The following PTBP2 variants were observed in gnomAD, a reference collection of about 807,000 sequenced individuals.
The protein encoded by PTBP2 is polypyrimidine tract binding protein 2.
Under a neutral mutation model 61.4 loss-of-function variants are expected in PTBP2, and 13 were observed. The ratio of observed to expected loss-of-function variants is 0.21; its 90% CI spans 0.14 to 0.34. The LOEUF (loss-of-function observed/expected upper bound fraction) is 0.34, where lower values mean the gene tolerates loss of function less well. Among genes scored for constraint, PTBP2 ranks in the 10% least tolerant of loss-of-function variants. The pLI is 1.00. For synonymous variants in PTBP2, 215 were observed against 218.5 expected, an observed-to-expected ratio of 0.98 and a Z score of 0.14; for missense variants, 405 against 642.6, an observed-to-expected ratio of 0.63 and a Z score of 4.00.
chr1:96,807,101 A>G (rs749769395), intron 11 of PTBP2, 143 bp downstream of exon 11: 7 of 608,636 alleles, frequency 1.2e-5, no homozygotes, highest in African/African-American at 3.9e-5. Flanking sequence ...TTTAATGTGA[A>G]TAGTTGTATG....
chr1:96,790,131 A>G lies in PTBP2; in HGVS notation c.904+4877A>G, dbSNP rs569370539. Among the ~76,000 whole-genome samples the G allele has an allele frequency of 8.5e-5, 13 of 152,206 alleles. No homozygotes were observed. In the East Asian group the frequency reaches 2.3e-3, roughly 27 times the overall value. ...CTCTCATTCATTTACTTATGAAGTGATGTTTCCTTTTAGAAAGTTTCACAG... is the reference window on the plus strand; with the variant it reads ...CTCTCATTCATTTACTTATGAAGTGGTGTTTCCTTTTAGAAAGTTTCACAG... On this transcript the variant is annotated intron_variant, in intron 8 of 13. Transcript: ENST00000674951.
At chr1:96,790,208 A>G (rs368596666) in intron 8 of PTBP2, among the ~76,000 whole-genome samples, 9 of 151,256 alleles carry the variant, frequency 6.0e-5, no homozygotes, top group African/African-American at 1.5e-4. Context: ...TTGTTCCTCT[A>G]TCTGCTGTGT....
At chr1:96,791,826 C>CTTTTTTTTGGT (rs1482989030) in intron 8 of PTBP2, among the ~76,000 whole-genome samples, 1 of 66,126 alleles carries the variant, frequency 1.5e-5, no homozygotes, top group Admixed American at 1.7e-4. Flanking sequence ...TGGAGTTGTG[C>CTTTTTTTTGGT]TTTTTTTTTT....
chr1:96,770,683 A>C (rs1657277818), intron 4 of PTBP2, 25 bp from the exon 5 acceptor site: 1 of 1,587,756 alleles, frequency 6.3e-7, no homozygotes, highest in African/African-American at 1.4e-5. Flanking sequence ...TATAGTATTA[A>C]AAATTGTGCT....
At chr1:96,752,758 C>T (rs1468965631) in intron 3 of PTBP2, among the ~76,000 whole-genome samples, 1 of 151,968 alleles carries the variant, frequency 6.6e-6, no homozygotes, top group East Asian at 1.9e-4. Flanking sequence ...TAACTAGTAG[C>T]AGCCTTGGCC....
chr1:96,743,148 G>A (rs947379060), intron 2 of PTBP2, among the ~76,000 whole-genome samples: 11 of 152,028 alleles, frequency 7.2e-5, no homozygotes, highest in African/African-American at 2.2e-4. Flanking sequence ...TTAGCCAGGC[G>A]TGGTGGGGGG....
chr1:96,724,851 T>TATA (rs946109404), intron 2 of PTBP2, among the ~76,000 whole-genome samples: 1 of 152,078 alleles, frequency 6.6e-6, no homozygotes, highest in Non-Finnish European at 1.5e-5. Flanking sequence ...AAACTTAAAG[T>TATA]ATAATAATGA....
At chr1:96,758,672 T>A (rs1655438749) in intron 3 of PTBP2, among the ~76,000 whole-genome samples, 1 of 152,072 alleles carries the variant, frequency 6.6e-6, no homozygotes, top group Non-Finnish European at 1.5e-5. Flanking sequence ...GCTTTTACAA[T>A]GTAAATAAGG....
chr1:96,808,475 C>T (rs1661714922), intron 11 of PTBP2, among the ~76,000 whole-genome samples: 1 of 151,978 alleles, frequency 6.6e-6, no homozygotes, highest in African/African-American at 2.4e-5. Context: ...TGAATCAGGG[C>T]TTTACCCTTA....
At chr1:96,755,551 G>A (rs1655055652) in intron 3 of PTBP2, among the ~76,000 whole-genome samples, 2 of 152,262 alleles carry the variant, frequency 1.3e-5, no homozygotes, top group Admixed American at 1.3e-4. Flanking sequence ...CATTTTATTT[G>A]TAATCACCAA....
At chr1:96,756,427 CAGTTGTGCTCCCTGGT>C (rs2100937094) in intron 3 of PTBP2, among the ~76,000 whole-genome samples, 1 of 152,286 alleles carries the variant, frequency 6.6e-6, no homozygotes, top group South Asian at 2.1e-4. Flanking sequence ...TATGATCCAG[CAGTTGTGCTCCCTGGT>C]ATTTGCCTAA....
At chr1:96,738,595 T>G (rs1455203338) in intron 2 of PTBP2, among the ~76,000 whole-genome samples, 1 of 152,236 alleles carries the variant, frequency 6.6e-6, no homozygotes. Context: ...TGAACAAGTC[T>G]TTTATAATCT....
intron 8 of PTBP2, among the ~76,000 whole-genome samples, chr1:96,791,826 C>CTTTTTTTTGTTTTTTTTTTTGTTTTTT (rs1482989030): frequency 6.0e-5 from 4 of 66,124 alleles, no homozygotes; most frequent in Admixed American, 1.7e-4. Flanking sequence ...TGGAGTTGTG[C>CTTTTTTTTGTTTTTTTTTTTGTTTTTT]TTTTTTTTTT....
At chr1:96,788,958 C>T (rs1295487655) in intron 8 of PTBP2, among the ~76,000 whole-genome samples, 1 of 151,774 alleles carries the variant, frequency 6.6e-6, no homozygotes, top group Non-Finnish European at 1.5e-5. Context: ...CAAATGTGGC[C>T]GACTATTAGT....
At chr1:96,736,291 A>G (rs1363271432) in intron 2 of PTBP2, among the ~76,000 whole-genome samples, 2 of 152,172 alleles carry the variant, frequency 1.3e-5, no homozygotes, top group African/African-American at 4.8e-5. Flanking sequence ...CTAATCAAGA[A>G]ATTGGTAGGT....
intron 2 of PTBP2, among the ~76,000 whole-genome samples, chr1:96,738,632 T>C (rs1024534007): frequency 6.6e-6 from 1 of 152,240 alleles, no homozygotes; most frequent in African/African-American, 2.4e-5. Flanking sequence ...GTTTGTAATA[T>C]TGAGGATAAT....
At chr1:96,818,979 TTAAAC>T (rs1336397798), downstream of PTBP2, 7 of 151,994 alleles carry the variant, frequency 4.6e-5, no homozygotes, top group African/African-American at 1.2e-4. Context: ...ATTCATAAAT[TTAAAC>T]TATTATGTAC....
At chr1:96,757,030 G>A (rs1655236640) in intron 3 of PTBP2, among the ~76,000 whole-genome samples, 1 of 152,136 alleles carries the variant, frequency 6.6e-6, no homozygotes, top group Admixed American at 6.5e-5. Flanking sequence ...GCAGGAGGCA[G>A]GGAAATCTCT....
intron 5 of PTBP2, among the ~76,000 whole-genome samples, chr1:96,773,586 G>A (rs953198943): frequency 1.3e-5 from 2 of 152,002 alleles, no homozygotes; most frequent in Non-Finnish European, 2.9e-5. Flanking sequence ...CTTTCCTCTA[G>A]GATAAAGTAA....
Sources: allele counts gnomAD v4.1 joint callset (sites outside exome capture counted in the v4.1 genomes callset), GRCh38; gene constraint gnomAD v4.1.1; transcripts MANE v1.5; gene names NCBI Gene and HGNC (gene_info 2026-07-23, HGNC 2026-07-21).